The following BASP1 variants were observed in gnomAD, a reference collection of about 807,000 sequenced individuals.
The protein encoded by BASP1 is brain abundant membrane attached signal protein 1.
BASP1 carries 1 observed loss-of-function variant against 2.2 expected under a neutral mutation model. The ratio of observed to expected loss-of-function variants is 0.46; its 90% CI spans 0.16 to 2.17. The LOEUF is 2.17. BASP1 is among the 30% of genes most tolerant of loss of function. BASP1 has a pLI of 0.27. For synonymous variants in BASP1, 187 were observed against 154.2 expected, an observed-to-expected ratio of 1.21 and a Z score of -1.58; for missense variants, 352 against 327.2, an observed-to-expected ratio of 1.08 and a Z score of -0.58.
rs772207550 is a variant in BASP1 at position 17,275,937 on chromosome 5, A to G, written c.*37A>G. The G allele has an allele frequency of 1.4e-6, 2 of 1,463,270 alleles. No individual in the cohort carries two copies. The highest frequency in any genetic ancestry group is 5.1e-5 in the East Asian group (2 of 38,994). The allele number at this position is 1,463,270 out of a possible 1,614,324, so 90.6% of individuals were successfully genotyped here. On this transcript the variant is annotated 3_prime_UTR_variant, in exon 2 of 2. Coordinates refer to ENST00000322611, the MANE Select transcript of BASP1 (RefSeq NM_006317.5). This position sits in a 1 kb window ranked among gnomAD's most constrained non-coding sequence, Gnocchi z 5.3. Reference sequence around the variant, plus strand: ...TATAGGAAAAACAATACCACTTAAAACAATCTCCTCTCTCTCTCTCTCTCT... The same window carrying G: ...TATAGGAAAAACAATACCACTTAAAGCAATCTCCTCTCTCTCTCTCTCTCT...
chr5:17,276,049 TGGAA>T lies in BASP1; in HGVS notation c.*151_*154del. 1 of 637,100 alleles carries T rather than the reference TGGAA, an allele frequency of 1.6e-6. No homozygotes were observed. The highest frequency in any genetic ancestry group is 2.3e-6 in the Non-Finnish European group (1 of 430,966). The allele number at this position is 637,100 out of a possible 1,614,324, so 39.5% of individuals were successfully genotyped here. ...TCTCCTATACTAACTTGTTTCAAAT[TGGAA>T]GTAATGATATGTATTGCCCAAGGAA... is the stretch of plus-strand genomic sequence containing the variant. On this transcript the variant is annotated 3_prime_UTR_variant, in exon 2 of 2. Coordinates refer to ENST00000322611, the MANE Select transcript of BASP1 (RefSeq NM_006317.5).
chr5:17,234,228 C>T (rs1021059025), intron 1 of BASP1, among the ~76,000 whole-genome samples: 21 of 152,282 alleles, frequency 1.4e-4, no homozygotes, highest in African/African-American at 4.8e-4. Flanking sequence ...TACCATTTCT[C>T]GACTTCAGGA....
chr5:17,266,841 C>T (rs923570898), intron 1 of BASP1, among the ~76,000 whole-genome samples: 2 of 128,454 alleles, frequency 1.6e-5, no homozygotes, highest in African/African-American at 3.2e-5. Context: ...AAAAAAAAAT[C>T]TGACCTGGAA....
intron 1 of BASP1, among the ~76,000 whole-genome samples, chr5:17,262,561 G>C (rs1169964130): frequency 6.6e-6 from 1 of 152,180 alleles, no homozygotes; most frequent in African/African-American, 2.4e-5. Flanking sequence ...GTAAAGATAA[G>C]TATCAAAACA....
intron 1 of BASP1, among the ~76,000 whole-genome samples, chr5:17,249,896 T>C (rs1446667919): frequency 6.6e-6 from 1 of 152,186 alleles, no homozygotes; most frequent in African/African-American, 2.4e-5. Context: ...TTCTTGCTAG[T>C]GCTGTTTTGT....
At position 17,275,507 on chromosome 5, in the gene BASP1, G is replaced by C; in HGVS notation, c.291G>C (p.Lys97Asn). 6.9e-7 allele frequency: 1 copy of C among 1,455,944 alleles called. No individual in the cohort carries two copies. The highest frequency in any genetic ancestry group is 9.0e-7 in the Non-Finnish European group (1 of 1,108,154). 90.2% of individuals were successfully genotyped at this position (1,455,944 alleles called of 1,614,324 possible). A position where few individuals can be genotyped will look rare whatever the true frequency, so the allele number is the denominator to read the frequency against. The change falls in exon 2 of 2, where the codon AAG (lysine) becomes AAC (asparagine). Residue 97 changes from lysine (K) to asparagine (N), a missense_variant. Transcript: ENST00000322611. The surrounding 1 kb of genome is among the most constrained non-coding windows in gnomAD (Gnocchi z 5.3). ...AGACGGAGGGCGCGGCAGAGGCCAA[G>C]GCTGAGCCCCCGAAGGCGCCCGAGC... ...PEKTEGAAEA[K>N]AEPPKAPEQE... is the part of the protein sequence containing the mutation.
At chr5:17,252,768 C>T (rs566784912) in intron 1 of BASP1, among the ~76,000 whole-genome samples, 1 of 152,206 alleles carries the variant, frequency 6.6e-6, no homozygotes, top group Non-Finnish European at 1.5e-5. Context: ...TTAATCTTTG[C>T]AATATCCTTT....
intron 1 of BASP1, among the ~76,000 whole-genome samples, chr5:17,235,379 G>A (rs1739720464): frequency 6.6e-6 from 1 of 151,586 alleles, no homozygotes; most frequent in African/African-American, 2.4e-5. Context: ...TCCTGCCTCA[G>A]CCTCCCGAGT....
chr5:17,240,112 T>TG (rs1275581073), intron 1 of BASP1, among the ~76,000 whole-genome samples: 1 of 146,856 alleles, frequency 6.8e-6, no homozygotes, highest in Non-Finnish European at 1.5e-5. Context: ...TAGAACATGT[T>TG]GGGAAAAAAA....
Position 17,236,479 on chromosome 5 carries a change from G to A in BASP1, c.-10+18669G>A, listed in dbSNP as rs1250928452. Among the ~76,000 whole-genome samples the A allele has an allele frequency of 1.3e-5, 2 of 152,202 alleles. No homozygotes were observed. The highest frequency in any genetic ancestry group is 3.9e-4 in the East Asian group (2 of 5,180). ...GGGGTTTCGCCTTGTTGGTCAGGCT[G>A]GTCTCAAACTCCTGACCTTAGGTGA... On this transcript the variant is annotated intron_variant, in intron 1 of 1. Transcript: ENST00000322611. The surrounding 1 kb of genome is among the most constrained non-coding windows in gnomAD (Gnocchi z 4.0).
intron 1 of BASP1, among the ~76,000 whole-genome samples, chr5:17,272,087 AAG>A (rs1342855534): frequency 1.4e-4 from 21 of 151,910 alleles, no homozygotes; most frequent in African/African-American, 9.7e-5. Context: ...AAAAAAAAAA[AAG>A]AAAGAAAAGA....
At chr5:17,255,401 T>C (rs1256954264) in intron 1 of BASP1, among the ~76,000 whole-genome samples, 2 of 152,216 alleles carry the variant, frequency 1.3e-5, no homozygotes, top group Non-Finnish European at 2.9e-5. Context: ...CACTAGGTTT[T>C]TTTTTCCCAT....
chr5:17,226,988 G>A (rs1158954100), intron 1 of BASP1, among the ~76,000 whole-genome samples: 1 of 151,336 alleles, frequency 6.6e-6, no homozygotes, highest in African/African-American at 2.4e-5. Context: ...GAGTGCAGTG[G>A]CGCAATCTCA....
At chr5:17,249,818 A>T (rs1223365874) in intron 1 of BASP1, among the ~76,000 whole-genome samples, 2 of 152,064 alleles carry the variant, frequency 1.3e-5, no homozygotes, top group African/African-American at 4.8e-5. Context: ...TTTCTTGACC[A>T]TTTGTAAGGC....
intron 1 of BASP1, among the ~76,000 whole-genome samples, chr5:17,261,656 AACATCTGG>A (rs1477821920): frequency 6.6e-6 from 1 of 152,186 alleles, no homozygotes; most frequent in African/African-American, 2.4e-5. Context: ...CACTTCAGCA[AACATCTGG>A]ACTTAACTTT....
chr5:17,252,083 A>C (rs1740112729), intron 1 of BASP1, among the ~76,000 whole-genome samples: 1 of 152,130 alleles, frequency 6.6e-6, no homozygotes, highest in South Asian at 2.1e-4. Flanking sequence ...TCATGGACAG[A>C]GGGCAGAGGA....
At chr5:17,241,354 CT>C in intron 1 of BASP1, among the ~76,000 whole-genome samples, 1 of 152,282 alleles carries the variant, frequency 6.6e-6, no homozygotes, top group South Asian at 2.1e-4. Context: ...CCTGCCTCAG[CT>C]TCCCAAAGTG....
At chr5:17,249,701 ACT>A (rs1219540931) in intron 1 of BASP1, among the ~76,000 whole-genome samples, 1 of 151,644 alleles carries the variant, frequency 6.6e-6, no homozygotes, top group Non-Finnish European at 1.5e-5. Flanking sequence ...TTCAATTTAG[ACT>A]CTATTTTTTT....
rs117856164 is a variant in BASP1, at chr5:17,265,607, T to A, written c.-9-9601T>A. Reference sequence around the variant, plus strand: ...ACTGAAATCCTCTTAATGGTGGTAATGATAACACTATTGTTTTTCCTACTT... The same window carrying A: ...ACTGAAATCCTCTTAATGGTGGTAAAGATAACACTATTGTTTTTCCTACTT... On this transcript the variant is annotated intron_variant, in intron 1 of 1. Coordinates refer to ENST00000322611, the MANE Select transcript of BASP1 (RefSeq NM_006317.5). Among the ~76,000 whole-genome samples the A allele has an allele frequency of 1.5e-3, 230 of 152,340 alleles. 3 individuals carry two copies. The East Asian group carries it at 0.027, about 18-fold the overall frequency.
Sources: gnomAD v4.1 joint callset for allele counts (sites outside exome capture counted in the v4.1 genomes callset) on GRCh38, gnomAD v4.1.1 for gene constraint, Gnocchi (gnomAD v3.1) non-coding constraint, MANE v1.5 for transcripts, NCBI Gene and HGNC (gene_info 2026-07-23, HGNC 2026-07-21) for gene names.